Variants in PFKP observed in about 807,000 individuals in gnomAD.
PFKP encodes the protein phosphofructokinase, platelet.
Under a neutral mutation model 94.3 loss-of-function variants are expected in PFKP, and 101 were observed. The observed-to-expected ratio is 1.07, with a 90% confidence interval of 0.91 to 1.26. The LOEUF (loss-of-function observed/expected upper bound fraction) is 1.26, where lower values mean the gene tolerates loss of function less well. Ranked by LOEUF, PFKP falls within the 50% of genes most tolerant of loss-of-function variation. PFKP has a pLI of 0.00. For synonymous variants in PFKP, 573 were observed against 432.6 expected, an observed-to-expected ratio of 1.32 and a Z score of -4.03; for missense variants, 1,145 against 1,103.3, an observed-to-expected ratio of 1.04 and a Z score of -0.53.
intron 16 of PFKP, among the ~76,000 whole-genome samples, chr10:3,120,451 C>T (rs531252136): frequency 6.6e-6 from 1 of 151,886 alleles, no homozygotes; most frequent in Admixed American, 6.6e-5. Flanking sequence ...TGAACCCCTG[C>T]CTTGATGCTG....
intron 20 of PFKP, among the ~76,000 whole-genome samples, chr10:3,135,407 CCT>C (rs869081635): frequency 8.0e-6 from 1 of 124,602 alleles, no homozygotes; most frequent in Non-Finnish European, 1.8e-5. Context: ...ATGCTTTTTG[CCT>C]CTCAGTGTGT....
rs1272529874 is a variant in PFKP, at chr10:3,105,098, C to T, written c.621-17C>T. On this transcript the variant is annotated splice_polypyrimidine_tract_variant and intron_variant, in intron 5 of 21. Transcript: ENST00000381125. ...CTTTCTGAGCTGTGTCCGGGGCTCC[C>T]TCTGTTTCTCTTCCAGCCACCAGAG... 6.2e-7 allele frequency: 1 copy of T among 1,613,434 alleles called. No individual in the cohort carries two copies. Among genetic ancestry groups the T allele is most frequent in the Non-Finnish European group, 8.5e-7 (1 of 1,179,520 alleles).
At chr10:3,102,250 CAAAAAAAA>C (rs757381364) in intron 4 of PFKP, among the ~76,000 whole-genome samples, 6 of 54,778 alleles carry the variant, frequency 1.1e-4, no homozygotes, top group African/African-American at 3.1e-4. Flanking sequence ...GACTCTGTCT[CAAAAAAAA>C]AAAAAAAAAA....
In PFKP at chr10:3,089,516, C is replaced by T. The variant is rs116801856; in HGVS notation, c.186+7055C>T. Among the ~76,000 whole-genome samples, 1,387 of 152,144 alleles carry T rather than the reference C, an allele frequency of 9.1e-3. 20 individuals are homozygous for T. Among genetic ancestry groups the T allele is most frequent in the African/African-American group, 0.032 (1,316 of 41,488 alleles). ...GTTCTATGCATGTCATAGTCTCATA[C>T]AAGCATGCAATGCATCATGATAAAA... On this transcript the variant is annotated intron_variant, in intron 2 of 21. Coordinates refer to ENST00000381125, the MANE Select transcript of PFKP (RefSeq NM_002627.5).
At chr10:3,084,655 G>C (rs1418599692) in intron 2 of PFKP, among the ~76,000 whole-genome samples, 1 of 151,658 alleles carries the variant, frequency 6.6e-6, no homozygotes, top group Non-Finnish European at 1.5e-5. Context: ...CCCTTGCTCA[G>C]GGATGTGGAA....
chr10:3,113,609 T>G, intron 13 of PFKP, 91 bp downstream of exon 13: 1 of 1,054,266 alleles, frequency 9.5e-7, no homozygotes. Flanking sequence ...ATGGCCCTCA[T>G]ACCTTTTCAT....
chr10:3,120,049 G>A lies in PFKP; in HGVS notation c.1683+5G>A, dbSNP rs201962770. On this transcript the variant is annotated splice_donor_5th_base_variant and intron_variant, in intron 16 of 21. Transcript: ENST00000381125. ...GCCCTGAACACTATCACCGACGTAA[G>A]TCCGTGTGCGCCCTGCCAGGCGGGC... 37 of 1,613,808 alleles carry A rather than the reference G, an allele frequency of 2.3e-5. No homozygotes were observed. The highest frequency in any genetic ancestry group is 6.7e-5 in the Admixed American group (4 of 60,026).
At chr10:3,102,234 G>A in intron 4 of PFKP, among the ~76,000 whole-genome samples, 1 of 92,816 alleles carries the variant, frequency 1.1e-5, no homozygotes, top group Non-Finnish European at 2.1e-5. Flanking sequence ...CTGGGCGACA[G>A]AGCGAGACTC....
intron 19 of PFKP, among the ~76,000 whole-genome samples, chr10:3,133,602 T>C (rs2131733604): frequency 6.6e-6 from 1 of 152,274 alleles, no homozygotes; most frequent in Non-Finnish European, 1.5e-5. Context: ...AGCTAATTTT[T>C]GTATTTTTAG....
At chr10:3,088,331 T>C (rs1206612291) in intron 2 of PFKP, among the ~76,000 whole-genome samples, 2 of 151,744 alleles carry the variant, frequency 1.3e-5, no homozygotes, top group Non-Finnish European at 2.9e-5. Context: ...GAACTCATCC[T>C]TTTTTAATGG....
At chr10:3,103,151 CGT>C (rs1433575295) in intron 4 of PFKP, among the ~76,000 whole-genome samples, 2 of 152,220 alleles carry the variant, frequency 1.3e-5, no homozygotes, top group African/African-American at 2.4e-5. Flanking sequence ...TGTTCAAAGC[CGT>C]GTCATTCTCT....
At chr10:3,132,639 TTTATAGTCTC>T (rs1349687370) in intron 18 of PFKP, among the ~76,000 whole-genome samples, 198 bp downstream of exon 18, 2 of 152,230 alleles carry the variant, frequency 1.3e-5, no homozygotes, top group Non-Finnish European at 2.9e-5. Flanking sequence ...ATATTTTTGC[TTTATAGTCTC>T]TTATTCTTTG....
chr10:3,083,565 T>A (rs1833250849), intron 2 of PFKP, among the ~76,000 whole-genome samples: 1 of 152,202 alleles, frequency 6.6e-6, no homozygotes, highest in African/African-American at 2.4e-5. Flanking sequence ...GCAAACACGT[T>A]CTGTATACTG....
intron 2 of PFKP, among the ~76,000 whole-genome samples, chr10:3,084,811 T>C (rs1252141090): frequency 2.1e-5 from 1 of 48,714 alleles, no homozygotes; most frequent in Non-Finnish European, 4.1e-5. Flanking sequence ...TCCTCCCCAG[T>C]ACAGTCTTCC....
intron 1 of PFKP, among the ~76,000 whole-genome samples, chr10:3,075,705 C>A (rs1008543944): frequency 6.0e-5 from 9 of 150,454 alleles, no homozygotes; most frequent in Non-Finnish European, 1.5e-5. Context: ...GAGTTTGAGG[C>A]CAGCCTGGGC....
chr10:3,132,373 C>G lies in PFKP; in HGVS notation c.1849-7C>G, dbSNP rs747365523. On this transcript the variant is annotated splice_region_variant and splice_polypyrimidine_tract_variant and intron_variant, in intron 17 of 21. Transcript: ENST00000381125. ...TATTGTCTGATTAACAAAATACTCT[C>G]TTCCAGTCCAACGTGGAGCACCTGA... is the stretch of plus-strand genomic sequence containing the variant. 2.5e-6 allele frequency: 4 copies of G among 1,602,594 alleles called. 1 individual carries two copies. The South Asian group carries it at 3.3e-5, about 13-fold the overall frequency.
intron 1 of PFKP, among the ~76,000 whole-genome samples, chr10:3,077,261 C>CTTT (rs34485324): frequency 0.27 from 22,675 of 84,276 alleles, 4,047 homozygotes; most frequent in Non-Finnish European, 0.31. Flanking sequence ...TTTTTTTTTT[C>CTTT]TTTTTTTTTT....
chr10:3,095,460 A>C (rs1834406777), intron 2 of PFKP, among the ~76,000 whole-genome samples: 1 of 152,224 alleles, frequency 6.6e-6, no homozygotes, highest in Non-Finnish European at 1.5e-5. Flanking sequence ...CAACGTAAAA[A>C]ATTCTGTCCG....
chr10:3,128,820 T>TG (rs1196854575), intron 16 of PFKP, among the ~76,000 whole-genome samples: 5 of 152,218 alleles, frequency 3.3e-5, no homozygotes, highest in Admixed American at 2.6e-4. Context: ...GGGATTCCTT[T>TG]GGGGGCTGCT....
Sources: allele counts gnomAD v4.1 joint callset (sites outside exome capture counted in the v4.1 genomes callset), GRCh38; gene constraint gnomAD v4.1.1; transcripts MANE v1.5; gene names NCBI Gene and HGNC (gene_info 2026-07-23, HGNC 2026-07-21).